The following CHST9 variants were observed in gnomAD, a reference collection of about 807,000 sequenced individuals.
CHST9 encodes the protein carbohydrate sulfotransferase 9.
In CHST9, 41 loss-of-function variants were observed where a neutral mutation model predicts 44.4. That is an observed-to-expected ratio of 0.92 (90% confidence interval 0.72 to 1.20). The LOEUF is 1.20. CHST9 is among the 50% of genes most tolerant of loss of function. The pLI is 0.00. For missense variants in CHST9, 504 were observed against 516.5 expected, an observed-to-expected ratio of 0.98 and a Z score of 0.23; for synonymous variants, 171 against 178.4, an observed-to-expected ratio of 0.96 and a Z score of 0.33.
chr18:27,007,306 C>A (rs902913905), intron 4 of CHST9, among the ~76,000 whole-genome samples: 1 of 152,074 alleles, frequency 6.6e-6, no homozygotes, highest in South Asian at 2.1e-4. Context: ...TGATAGATAG[C>A]CCTTAATTGA....
chr18:27,162,515 A>G (rs1177294709), intron 1 of CHST9, among the ~76,000 whole-genome samples: 17 of 152,096 alleles, frequency 1.1e-4, no homozygotes, highest in Non-Finnish European at 2.4e-4. Flanking sequence ...TGGGTAACCC[A>G]ACCTTTCTCT....
chr18:26,984,134 T>G (rs1000426844), intron 4 of CHST9, among the ~76,000 whole-genome samples: 2 of 152,192 alleles, frequency 1.3e-5, no homozygotes, highest in Non-Finnish European at 2.9e-5. Context: ...TGACTAGCCA[T>G]GAGCTATGGA....
At chr18:27,139,339 G>A (rs1352390153) in intron 2 of CHST9, among the ~76,000 whole-genome samples, 1 of 151,996 alleles carries the variant, frequency 6.6e-6, no homozygotes, top group Non-Finnish European at 1.5e-5. Context: ...ATCTTTCAAA[G>A]TTTCTTTGAG....
At chr18:27,063,899 G>A (rs1398919637) in intron 2 of CHST9, among the ~76,000 whole-genome samples, 1 of 152,086 alleles carries the variant, frequency 6.6e-6, no homozygotes, top group South Asian at 2.1e-4. Flanking sequence ...GGGAGGCCAC[G>A]AGGGCTGTAA....
chr18:27,072,417 G>A (rs1322396006), intron 2 of CHST9, among the ~76,000 whole-genome samples: 1 of 152,048 alleles, frequency 6.6e-6, no homozygotes, highest in Non-Finnish European at 1.5e-5. Flanking sequence ...ATTGAAGACA[G>A]ACCATCTAGT....
chr18:26,908,912 A>G lies in CHST9; in HGVS notation c.*7347T>C, dbSNP rs1043921532. The stretch of plus-strand genomic sequence containing the variant: ...TTTTCAATCATCTTAGGTCAATTTG[A>G]AAACAGCTTTTTAGTTTTTATTGGA... On this transcript the variant is annotated 3_prime_UTR_variant, in exon 6 of 6. Coordinates refer to ENST00000618847, the MANE Select transcript of CHST9 (RefSeq NM_031422.6). 1 of 152,242 alleles carries G rather than the reference A, an allele frequency of 6.6e-6. No individual in the cohort carries two copies. Among genetic ancestry groups the G allele is most frequent in the Admixed American group, 6.5e-5 (1 of 15,284 alleles). 9.4% of individuals were successfully genotyped at this position (152,242 alleles called of 1,614,324 possible).
chr18:27,154,998 C>T (rs985388685), intron 1 of CHST9, among the ~76,000 whole-genome samples: 1 of 151,538 alleles, frequency 6.6e-6, no homozygotes, highest in African/African-American at 2.4e-5. Flanking sequence ...ATGAGAATCC[C>T]TTGAGCCTGG....
chr18:26,962,452 G>A (rs1277600481), intron 4 of CHST9, among the ~76,000 whole-genome samples: 17 of 151,934 alleles, frequency 1.1e-4, no homozygotes, highest in Non-Finnish European at 1.6e-4. Context: ...CACCATGCCC[G>A]GCTAGTTTTT....
chr18:27,088,350 T>C (rs553164765), intron 2 of CHST9, among the ~76,000 whole-genome samples: 1 of 152,178 alleles, frequency 6.6e-6, no homozygotes, highest in South Asian at 2.1e-4. Flanking sequence ...CTAATATACT[T>C]AGTTACAAGC....
At chr18:27,066,133 G>A (rs898540621) in intron 2 of CHST9, among the ~76,000 whole-genome samples, 1 of 152,158 alleles carries the variant, frequency 6.6e-6, no homozygotes, top group Non-Finnish European at 1.5e-5. Flanking sequence ...GAGACTTTTG[G>A]ATCTGGGCAA....
At chr18:27,059,891 T>A (rs761146440) in intron 2 of CHST9, among the ~76,000 whole-genome samples, 1 of 152,228 alleles carries the variant, frequency 6.6e-6, no homozygotes, top group East Asian at 1.9e-4. Flanking sequence ...CGATATTTCA[T>A]GGATAGAAGG....
intron 1 of CHST9, among the ~76,000 whole-genome samples, chr18:27,164,711 T>C (rs2058776618): frequency 6.6e-6 from 1 of 152,202 alleles, no homozygotes; most frequent in Non-Finnish European, 1.5e-5. Flanking sequence ...GTTCTATATA[T>C]GTTGTCAGAG....
intron 4 of CHST9, among the ~76,000 whole-genome samples, chr18:26,969,376 CTG>C (rs1208856677): frequency 1.3e-3 from 121 of 95,462 alleles, no homozygotes; most frequent in East Asian, 4.4e-3. Flanking sequence ...CTCTCTCTCT[CTG>C]TGTGTGTGTG....
intron 5 of CHST9, chr18:26,936,516 T>C (rs1202875279): frequency 6.6e-6 from 1 of 152,140 alleles, no homozygotes; most frequent in Non-Finnish European, 1.5e-5. Context: ...AGTGAGTGTC[T>C]TTCTATACGG....
At chr18:27,134,977 T>G (rs1292146073) in intron 2 of CHST9, among the ~76,000 whole-genome samples, 1 of 152,202 alleles carries the variant, frequency 6.6e-6, no homozygotes, top group Non-Finnish European at 1.5e-5. Flanking sequence ...TACACTATGC[T>G]GGCTATAGTT....
intron 2 of CHST9, among the ~76,000 whole-genome samples, chr18:27,104,037 T>C (rs564513069): frequency 6.6e-6 from 1 of 152,296 alleles, no homozygotes; most frequent in East Asian, 1.9e-4. Context: ...AAATATATAA[T>C]ATGATATTTA....
chr18:27,011,801 C>G (rs1415101821), intron 4 of CHST9, among the ~76,000 whole-genome samples: 2 of 152,226 alleles, frequency 1.3e-5, no homozygotes, highest in East Asian at 3.8e-4. Flanking sequence ...GAGCTAGACT[C>G]ACGGCTTCTG....
chr18:27,131,505 C>T (rs1016292172), intron 2 of CHST9, among the ~76,000 whole-genome samples: 5 of 152,048 alleles, frequency 3.3e-5, no homozygotes, highest in Admixed American at 6.6e-5. Flanking sequence ...GAGCCAAGAT[C>T]GCACTATTGC....
intron 2 of CHST9, among the ~76,000 whole-genome samples, chr18:27,078,459 C>G (rs973894393): frequency 1.3e-5 from 2 of 151,890 alleles, no homozygotes; most frequent in Non-Finnish European, 2.9e-5. Context: ...GAAGTATATA[C>G]ATGTGTATGT....
Sources: allele counts gnomAD v4.1 joint callset (sites outside exome capture counted in the v4.1 genomes callset), GRCh38; gene constraint gnomAD v4.1.1; transcripts MANE v1.5; gene names NCBI Gene and HGNC (gene_info 2026-07-23, HGNC 2026-07-21).